BCL10: variants seen among roughly 807,000 people sequenced by gnomAD.
BCL10 encodes B-cell lymphoma/leukemia 10.
Under a neutral mutation model 19.2 loss-of-function variants are expected in BCL10, and 5 were observed. The observed-to-expected ratio is 0.26, with a 90% CI of 0.14 to 0.55. The LOEUF (loss-of-function observed/expected upper bound fraction) is 0.55, where lower values mean the gene tolerates loss of function less well. Ranked by LOEUF, BCL10 falls within the 20% of genes least tolerant of loss-of-function variation. BCL10 has a pLI of 0.94. For missense variants in BCL10, 201 were observed against 271.9 expected, an observed-to-expected ratio of 0.74 and a Z score of 1.83; for synonymous variants, 110 against 98.8, an observed-to-expected ratio of 1.11 and a Z score of -0.67.
rs573410780 is a variant in BCL10, at chr1:85,266,396, CAT to C, written c.*1229_*1230del. 2.8e-3 allele frequency: 533 copies of C among 187,326 alleles called. 6 individuals carry two copies. Among genetic ancestry groups the C allele is most frequent in the Non-Finnish European group, 4.0e-3 (357 of 88,754 alleles). The allele number at this position is 187,326 out of a possible 1,614,324, so 11.6% of individuals were successfully genotyped here. A position where few individuals can be genotyped will look rare whatever the true frequency, so the allele number is the denominator to read the frequency against. ...ACAGTGAGAGCATAAGATTTATAAACATGTAAAATTAGTCAAATTTTGTTTTA... is the reference window on the plus strand; with the variant it reads ...ACAGTGAGAGCATAAGATTTATAAACGTAAAATTAGTCAAATTTTGTTTTA... On this transcript the variant is annotated 3_prime_UTR_variant, in exon 3 of 3. Transcript: ENST00000648566.
chr1:85,275,783 T>C (rs951889182), intron 1 of BCL10, among the ~76,000 whole-genome samples: 2 of 152,224 alleles, frequency 1.3e-5, no homozygotes, highest in South Asian at 2.1e-4. Flanking sequence ...AATTTAAATA[T>C]GTGGGCGTCT....
chr1:85,273,115 C>T (rs1436763871), intron 1 of BCL10, among the ~76,000 whole-genome samples: 2 of 152,198 alleles, frequency 1.3e-5, no homozygotes, highest in African/African-American at 4.8e-5. Context: ...GAGTTAGGCA[C>T]CCCGTCCTCT....
At position 85,265,970 on chromosome 1, in the gene BCL10, C is replaced by T. The variant is rs1379147302; in HGVS notation, c.*1657G>A. Among the ~76,000 whole-genome samples, 1 of 152,112 alleles carries T rather than the reference C, an allele frequency of 6.6e-6. No individual in the cohort carries two copies. The highest frequency in any genetic ancestry group is 1.5e-5 in the Non-Finnish European group (1 of 68,024). ...TTTAAAGCACCTTCCTTAAATGTAA[C>T]CTATTTTCTTTCTAACACCACTATT... On this transcript the variant is annotated 3_prime_UTR_variant, in exon 3 of 3. Coordinates refer to ENST00000648566, the MANE Select transcript of BCL10 (RefSeq NM_003921.5).
At chr1:85,273,116 C>T (rs1197884036) in intron 1 of BCL10, among the ~76,000 whole-genome samples, 2 of 152,160 alleles carry the variant, frequency 1.3e-5, no homozygotes, top group African/African-American at 4.8e-5. Context: ...AGTTAGGCAC[C>T]CCGTCCTCTG....
intron 1 of BCL10, among the ~76,000 whole-genome samples, chr1:85,271,310 C>G (rs966494406): frequency 2.0e-5 from 3 of 152,200 alleles, no homozygotes; most frequent in African/African-American, 7.2e-5. Context: ...AGAGGTCTCA[C>G]AGTCTGTAAC....
At chr1:85,268,768 CA>C (rs57560275) in intron 2 of BCL10, among the ~76,000 whole-genome samples, 3,763 of 67,044 alleles carry the variant, frequency 0.056, 119 homozygotes, top group African/African-American at 0.17. Flanking sequence ...GACTCCGTCT[CA>C]AAAAAAAAAA....
intron 1 of BCL10, among the ~76,000 whole-genome samples, chr1:85,273,508 A>G (rs1484188556): frequency 1.3e-5 from 2 of 152,188 alleles, no homozygotes; most frequent in Non-Finnish European, 2.9e-5. Context: ...TCTAGCTCAC[A>G]GCTTTCTAGG....
Position 85,266,876 on chromosome 1 carries a change from C to CAAAAAAAAAAAAAAAAAAAA in BCL10, c.*731_*750dup, listed in dbSNP as rs71650007. 1.1e-5 allele frequency: 1 copy of CAAAAAAAAAAAAAAAAAAAA among 88,080 alleles called. No individual in the cohort carries two copies. Among genetic ancestry groups the CAAAAAAAAAAAAAAAAAAAA allele is most frequent in the Non-Finnish European group, 2.1e-5 (1 of 47,556 alleles). The allele number at this position is 88,080 out of a possible 1,614,324, so 5.5% of individuals were successfully genotyped here. Reference sequence around the variant, plus strand: ...CCTGGGCGATAGAGCAAGACTGTCTCAAAAAAAAAAAAAAAAAAAAAAGAA... The same window carrying CAAAAAAAAAAAAAAAAAAAA: ...CCTGGGCGATAGAGCAAGACTGTCTCAAAAAAAAAAAAAAAAAAAAAAAAAAAAAAAAAAAAAAAAAAGAA... On this transcript the variant is annotated 3_prime_UTR_variant, in exon 3 of 3. Coordinates refer to ENST00000648566, the MANE Select transcript of BCL10 (RefSeq NM_003921.5).
chr1:85,275,534 G>A (rs886073974), intron 1 of BCL10, among the ~76,000 whole-genome samples: 11 of 152,122 alleles, frequency 7.2e-5, no homozygotes, highest in African/African-American at 2.4e-4. Context: ...TTGAGTTTCT[G>A]TTTTTCATTT....
chr1:85,276,396 G>A lies in BCL10; in HGVS notation c.-44C>T, dbSNP rs750358788. ...CGCTTCTTCCGGGTCCGGGAGCTCG[G>A]GCTGCGCCGCCCCGCCCTGGCTGGG... On this transcript the variant is annotated 5_prime_UTR_variant, in exon 1 of 3. Coordinates refer to ENST00000648566, the MANE Select transcript of BCL10 (RefSeq NM_003921.5). The A allele has an allele frequency of 6.2e-7, 1 of 1,607,290 alleles. No homozygotes were observed. Among genetic ancestry groups the A allele is most frequent in the South Asian group, 1.1e-5 (1 of 90,858 alleles).
rs78793241 is a variant in BCL10 at position 85,268,203 on chromosome 1, G to A, written c.347-221C>T. Among the ~76,000 whole-genome samples the A allele has an allele frequency of 3.3e-3, 507 of 152,222 alleles. 3 individuals carry two copies. Among genetic ancestry groups the A allele is most frequent in the African/African-American group, 0.011 (477 of 41,520 alleles). ...ATTTTCTATATAACAAAATAGTCTC[G>A]TGGAAGTTAAACGACATGCTGTAAT... On this transcript the variant is annotated intron_variant, in intron 2 of 2. Transcript: ENST00000648566.
chr1:85,274,002 G>A (rs6700749), intron 1 of BCL10, among the ~76,000 whole-genome samples: 6,502 of 152,208 alleles, frequency 0.043, 190 homozygotes, highest in East Asian at 0.12. Context: ...CAAGTCACCA[G>A]GGTCTTGCCT....
intron 2 of BCL10, 123 bp downstream of exon 2, chr1:85,270,495 A>G (rs1660340840): frequency 1.1e-6 from 1 of 884,038 alleles, no homozygotes; most frequent in Non-Finnish European, 1.7e-6. Context: ...CTGGTCTCAA[A>G]ACTCCTGACC....
intron 1 of BCL10, among the ~76,000 whole-genome samples, chr1:85,276,038 C>A (rs571185614): frequency 3.3e-5 from 5 of 152,306 alleles, no homozygotes; most frequent in African/African-American, 9.6e-5. Context: ...GAGGAGTGGG[C>A]AAGAATCAAA....
chr1:85,269,585 G>A (rs764074372), intron 2 of BCL10, among the ~76,000 whole-genome samples: 7 of 152,206 alleles, frequency 4.6e-5, no homozygotes, highest in Non-Finnish European at 1.0e-4. Flanking sequence ...CTTGTAATGT[G>A]TCCCAGCAAG....
intron 2 of BCL10, among the ~76,000 whole-genome samples, chr1:85,270,376 G>C (rs972226251): frequency 2.6e-5 from 4 of 152,180 alleles, no homozygotes; most frequent in African/African-American, 9.7e-5. Context: ...AGGCTTAAGT[G>C]ATCCTCCCAC....
intron 2 of BCL10, among the ~76,000 whole-genome samples, chr1:85,268,568 G>T (rs1021300260): frequency 2.6e-5 from 4 of 152,132 alleles, no homozygotes; most frequent in African/African-American, 9.7e-5. Context: ...AGGAGTTTGA[G>T]ATCAGCCTGG....
intron 2 of BCL10, among the ~76,000 whole-genome samples, chr1:85,270,384 C>G (rs1375538125): frequency 1.3e-5 from 2 of 152,184 alleles, no homozygotes; most frequent in Admixed American, 6.5e-5. Context: ...GTGATCCTCC[C>G]ACCTCAGCCT....
intron 1 of BCL10, among the ~76,000 whole-genome samples, chr1:85,274,419 G>A (rs1253847983): frequency 6.6e-6 from 1 of 152,112 alleles, no homozygotes; most frequent in African/African-American, 2.4e-5. Context: ...TGAACTGTTA[G>A]AACCAACCAC....
Sources: allele counts gnomAD v4.1 joint callset (sites outside exome capture counted in the v4.1 genomes callset), GRCh38; gene constraint gnomAD v4.1.1; transcripts MANE v1.5; gene names NCBI Gene and HGNC (gene_info 2026-07-23, HGNC 2026-07-21).